Variants in SEL1L observed in about 807,000 individuals in gnomAD.
The protein encoded by SEL1L is protein sel-1 homolog 1.
SEL1L carries 52 observed loss-of-function variants against 109.8 expected under a neutral mutation model. That is an observed-to-expected ratio of 0.47 (90% CI 0.38 to 0.60). SEL1L has a LOEUF of 0.60. SEL1L is among the 20% of genes least tolerant of loss of function. The probability of loss-of-function intolerance (pLI) is 0.00; values close to 1 mark genes in which losing one functional copy is unlikely to be tolerated. For synonymous variants in SEL1L, 373 were observed against 339.6 expected (o/e 1.10, Z -1.08); for missense variants, 749 against 962.2 (o/e 0.78, Z 2.93).
chr14:81,472,973 T>C lies in SEL1L; in HGVS notation c.*3999A>G, dbSNP rs911416029. ...AGTTTCAAGATACAGTACAAAACGA[T>C]TCTGTACATCTCTCTATTAACAGGA... On this transcript the variant is annotated 3_prime_UTR_variant, in exon 21 of 21. Coordinates refer to ENST00000336735, the MANE Select transcript of SEL1L (RefSeq NM_005065.6). 6.2e-6 allele frequency: 1 copy of C among 161,912 alleles called. No homozygotes were observed. Among genetic ancestry groups the C allele is most frequent in the African/African-American group, 2.4e-5 (1 of 41,520 alleles). The allele number at this position is 161,912 out of a possible 1,614,324, so 10.0% of individuals were successfully genotyped here. A position where few individuals can be genotyped will look rare whatever the true frequency, so the allele number is the denominator to read the frequency against.
intron 3 of SEL1L, 64 bp from the exon 4 acceptor site, chr14:81,506,305 G>A: frequency 7.3e-7 from 1 of 1,376,918 alleles, no homozygotes; most frequent in Non-Finnish European, 9.6e-7. Flanking sequence ...TGGATTCAAT[G>A]CCATCAATTT....
intron 8 of SEL1L, 192 bp from the exon 9 acceptor site, chr14:81,498,686 G>C: frequency 3.9e-6 from 2 of 511,740 alleles, no homozygotes; most frequent in South Asian, 6.5e-5. Context: ...CCATAGCTAA[G>C]AGCAAGGAAA....
intron 20 of SEL1L, among the ~76,000 whole-genome samples, chr14:81,477,540 G>A (rs752512196): frequency 1.6e-4 from 24 of 152,084 alleles, no homozygotes; most frequent in African/African-American, 1.4e-4. Context: ...GGCCAGGCGC[G>A]GGGGCTCAGG....
intron 19 of SEL1L, 118 bp downstream of exon 19, chr14:81,484,107 A>G: frequency 9.5e-7 from 1 of 1,051,042 alleles, no homozygotes; most frequent in Non-Finnish European, 1.4e-6. Flanking sequence ...AATCAGTCCC[A>G]TAATTTAGTG....
chr14:81,498,395 A>T lies in SEL1L; in HGVS notation c.973+18T>A, dbSNP rs753200476. The T allele has an allele frequency of 2.5e-6, 4 of 1,589,136 alleles. No individual in the cohort carries two copies. Among genetic ancestry groups the T allele is most frequent in the Non-Finnish European group, 3.4e-6 (4 of 1,163,868 alleles). On this transcript the variant is annotated intron_variant, in intron 9 of 20. Transcript: ENST00000336735. ...TTTATTTTTTTTTCCTAAAAGGTAA[A>T]AGGGGAAACATAGATACCATGATTG...
At chr14:81,506,014 T>TA (rs1489847905) in intron 4 of SEL1L, 60 bp downstream of exon 4, 4 of 1,524,408 alleles carry the variant, frequency 2.6e-6, no homozygotes, top group Admixed American at 2.0e-5. Flanking sequence ...AAAAAGGCCT[T>TA]AAAAACATTG....
chr14:81,486,257 T>TA (rs747457286), intron 17 of SEL1L, 32 bp downstream of exon 17: 22 of 1,611,042 alleles, frequency 1.4e-5, no homozygotes, highest in Non-Finnish European at 1.7e-5. Flanking sequence ...TCGTACATTC[T>TA]AAACCTAAGG....
At chr14:81,490,972 T>C (rs1253078673) in intron 12 of SEL1L, among the ~76,000 whole-genome samples, 1 of 152,196 alleles carries the variant, frequency 6.6e-6, no homozygotes, top group African/African-American at 2.4e-5. Context: ...TTTTAGTAAT[T>C]ATATACTCTG....
At chr14:81,503,706 G>A (rs1455126136) in intron 5 of SEL1L, among the ~76,000 whole-genome samples, 2 of 151,936 alleles carry the variant, frequency 1.3e-5, no homozygotes, top group East Asian at 1.9e-4. Context: ...TCCAGTATAC[G>A]ATCTAATAAT....
At chr14:81,513,394 A>T (rs939652583) in intron 3 of SEL1L, among the ~76,000 whole-genome samples, 1 of 152,104 alleles carries the variant, frequency 6.6e-6, no homozygotes, top group Non-Finnish European at 1.5e-5. Context: ...CTCACTGCGA[A>T]GGTCTGCGGC....
In SEL1L at chr14:81,526,782, T is replaced by C; in HGVS notation, c.291A>G (p.Pro97=). The part of the protein sequence containing the change: ...VTEDISFLES[P]NPENKDYEEP... ...CTTCATAGTCCTTGTTTTCTGGATT[T>C]GGAGACTCTAGAAAGCTGATATCTT... Residue 97 remains proline, a synonymous_variant, in exon 3 of 21, where the codon CCA becomes CCG. Transcript: ENST00000336735. 1 of 1,609,020 alleles carries C rather than the reference T, an allele frequency of 6.2e-7. No homozygotes were observed. Among genetic ancestry groups the C allele is most frequent in the Non-Finnish European group, 8.5e-7 (1 of 1,178,722 alleles).
intron 4 of SEL1L, 42 bp downstream of exon 4, chr14:81,506,032 C>T (rs771590523): frequency 5.6e-6 from 9 of 1,593,336 alleles, no homozygotes; most frequent in Non-Finnish European, 7.7e-6. Context: ...TTGCCCTAGA[C>T]ATAAAGCAAT....
intron 19 of SEL1L, among the ~76,000 whole-genome samples, chr14:81,482,275 A>T (rs1350212776): frequency 6.6e-6 from 1 of 152,206 alleles, no homozygotes; most frequent in Non-Finnish European, 1.5e-5. Context: ...CAGATTAGTT[A>T]TATCATTTTA....
chr14:81,484,640 A>C, intron 18 of SEL1L: 1 of 362,872 alleles, frequency 2.8e-6, no homozygotes, highest in East Asian at 4.2e-5. Flanking sequence ...GTGTGTGTGT[A>C]GGGGGACAGG....
At chr14:81,510,514 C>CTCTCTCTCTATATATATATATA (rs35474067) in intron 3 of SEL1L, among the ~76,000 whole-genome samples, 9 of 104,078 alleles carry the variant, frequency 8.6e-5, no homozygotes, top group African/African-American at 1.4e-4. Flanking sequence ...CTCTCTCTCT[C>CTCTCTCTCTATATATATATATA]TATATATATA....
intron 3 of SEL1L, among the ~76,000 whole-genome samples, chr14:81,516,276 C>G (rs1404461978): frequency 6.6e-6 from 1 of 151,762 alleles, no homozygotes; most frequent in Non-Finnish European, 1.5e-5. Context: ...ACACTGTGGC[C>G]TTCTCAGTGT....
At chr14:81,497,794 G>A (rs1883830359) in intron 10 of SEL1L, 98 bp downstream of exon 10, 1 of 1,131,734 alleles carries the variant, frequency 8.8e-7, no homozygotes, top group Middle Eastern at 2.4e-4. Flanking sequence ...TCAGGGCAAT[G>A]AAAATGTAAC....
In SEL1L at chr14:81,504,274, G is replaced by A; in HGVS notation, c.541C>T (p.Gln181Ter). Residue 181 changes from glutamine to a stop codon, truncating the protein, a stop_gained, in exon 5 of 21, where the codon CAG becomes TAG. Transcript: ENST00000336735. LOFTEE classifies it high-confidence loss of function. Reference protein sequence around the residue: ...EEEAAKRRQMQEAEMMYQTGM... With the variant: ...EEEAAKRRQM ...GTTTGATACATCATTTCTGCTTCCT[G>A]CATCTGCCGTCTCTTAGCAGCCTCT... The A allele has an allele frequency of 6.3e-7, 1 of 1,597,290 alleles. No individual in the cohort carries two copies. The highest frequency in any genetic ancestry group is 1.1e-5 in the South Asian group (1 of 88,568).
chr14:81,494,614 G>A (rs1883669466), intron 11 of SEL1L, among the ~76,000 whole-genome samples: 1 of 152,164 alleles, frequency 6.6e-6, no homozygotes, highest in African/African-American at 2.4e-5. Context: ...CTGGGCCTAT[G>A]CACATACCGT....
Sources: gnomAD v4.1 joint callset for allele counts (sites outside exome capture counted in the v4.1 genomes callset) on GRCh38, gnomAD v4.1.1 for gene constraint, MANE v1.5 for transcripts, NCBI Gene and HGNC (gene_info 2026-07-23, HGNC 2026-07-21) for gene names.